The following DYNAP variants were observed in gnomAD, a reference collection of about 807,000 sequenced individuals.
DYNAP encodes the protein dynactin associated protein, also known as dynactin-associated protein.
DYNAP carries 7 observed loss-of-function variants against 8.5 expected under a neutral mutation model. The ratio of observed to expected loss-of-function variants is 0.82; its 90% CI spans 0.47 to 1.54. The LOEUF (loss-of-function observed/expected upper bound fraction) is 1.54. DYNAP is among the 40% of genes most tolerant of loss of function. DYNAP has a pLI of 0.01. For missense variants in DYNAP, 256 were observed against 224.3 expected (o/e 1.14, Z -0.90); for synonymous variants, 77 against 77.9 (o/e 0.99, Z 0.06).
chr18:54,592,898 C>T (rs1911136983), intron 1 of DYNAP, among the ~76,000 whole-genome samples: 1 of 152,094 alleles, frequency 6.6e-6, no homozygotes, highest in African/African-American at 2.4e-5. Context: ...GGGAAACTGC[C>T]CCACTGAGTG....
At chr18:54,577,598 GT>G in the DYNAP span, among the ~76,000 whole-genome samples, 2 of 65,818 alleles carry the variant, frequency 3.0e-5, no homozygotes, top group Admixed American at 3.3e-4. Context: ...GTAAAATCTT[GT>G]TTCAAAAAAA....
the DYNAP span, among the ~76,000 whole-genome samples, chr18:54,577,614 A>C: frequency 1.3e-5 from 2 of 151,450 alleles, no homozygotes; most frequent in Non-Finnish European, 2.9e-5. Flanking sequence ...AAAAAAAAAA[A>C]AAAAAAACAC....
chr18:54,579,916 C>G, the DYNAP span, among the ~76,000 whole-genome samples: 3 of 152,164 alleles, frequency 2.0e-5, no homozygotes, highest in Non-Finnish European at 2.9e-5. Context: ...AAAAACAGTA[C>G]TATACAGCAC....
chr18:54,582,210 C>A, the DYNAP span, among the ~76,000 whole-genome samples: 71,311 of 151,674 alleles, frequency 0.47, 17,854 homozygotes, highest in East Asian at 0.68. Flanking sequence ...GGTGTGAACC[C>A]GGGAGGTGGA....
upstream of DYNAP, among the ~76,000 whole-genome samples, chr18:54,584,175 TAAC>T (rs1910802690): frequency 1.3e-5 from 2 of 151,354 alleles, no homozygotes; most frequent in African/African-American, 4.8e-5. Context: ...ATGGTAAAGT[TAAC>T]AAAATACACA....
the DYNAP span, among the ~76,000 whole-genome samples, chr18:54,576,898 G>A: frequency 6.6e-6 from 1 of 152,062 alleles, no homozygotes; most frequent in Non-Finnish European, 1.5e-5. Flanking sequence ...TCCTCTATTT[G>A]CATAGTGTTA....
In DYNAP at chr18:54,598,263, T is replaced by C; in HGVS notation, c.*118T>C. 1 of 1,062,424 alleles carries C rather than the reference T, an allele frequency of 9.4e-7. No individual in the cohort carries two copies. The highest frequency in any genetic ancestry group is 1.3e-6 in the Non-Finnish European group (1 of 745,042). 65.8% of individuals were successfully genotyped at this position (1,062,424 alleles called of 1,614,324 possible). A position where few individuals can be genotyped will look rare whatever the true frequency, so the allele number is the denominator to read the frequency against. ...AGTGGAATCATGGCTGCAGTCACTTTAACAGACTCTATAACCGTTACAACT... is the reference window on the plus strand; with the variant it reads ...AGTGGAATCATGGCTGCAGTCACTTCAACAGACTCTATAACCGTTACAACT... On this transcript the variant is annotated 3_prime_UTR_variant, in exon 3 of 3. Transcript: ENST00000648945.
rs756138614 is a variant in DYNAP at position 54,597,988 on chromosome 18, C to T, written c.398C>T (p.Thr133Ile). The T allele has an allele frequency of 7.4e-6, 12 of 1,613,434 alleles. No individual in the cohort carries two copies. In the Admixed American group the frequency reaches 8.4e-5, roughly 11 times the overall value. Residue 133 changes from threonine (T) to isoleucine (I), a missense_variant, in exon 3 of 3, where the codon ACT becomes ATT. Thr to Ile is a moderately conservative substitution (Grantham distance 89, BLOSUM62 -1). Coordinates refer to ENST00000648945, the MANE Select transcript of DYNAP (RefSeq NM_173629.3). ...TCCACAAATGATGGAGAGTGTGTGA[C>T]TGTCAAACCTGGAACACCCTCTCCT... is the stretch of plus-strand genomic sequence containing the variant. ...QLSTNDGECV[T>I]VKPGTPSPAC...
chr18:54,576,215 A>G, the DYNAP span, among the ~76,000 whole-genome samples: 5 of 152,270 alleles, frequency 3.3e-5, no homozygotes, highest in East Asian at 7.7e-4. Context: ...ATTTCTATGC[A>G]TGTCTGTTTT....
chr18:54,586,619 TC>T (rs1345129785), upstream of DYNAP, among the ~76,000 whole-genome samples: 1 of 151,974 alleles, frequency 6.6e-6, no homozygotes, highest in East Asian at 1.9e-4. Context: ...CTTTCCCTTT[TC>T]CCCCCATCCT....
intron 1 of DYNAP, among the ~76,000 whole-genome samples, chr18:54,592,620 G>A (rs961418430): frequency 1.3e-5 from 2 of 152,068 alleles, no homozygotes; most frequent in Non-Finnish European, 1.5e-5. Flanking sequence ...CTTTAGTTAA[G>A]TACAACCAAT....
At position 54,598,218 on chromosome 18, in the gene DYNAP, T is replaced by C. The variant is rs1911398387; in HGVS notation, c.*73T>C. Reference sequence around the variant, plus strand: ...ACTTCAACTCAGTTTGCAACTATAATAGCTACTCCTATCACTTCAAGTGGA... The same window carrying C: ...ACTTCAACTCAGTTTGCAACTATAACAGCTACTCCTATCACTTCAAGTGGA... On this transcript the variant is annotated 3_prime_UTR_variant, in exon 3 of 3. Coordinates refer to ENST00000648945, the MANE Select transcript of DYNAP (RefSeq NM_173629.3). The C allele has an allele frequency of 7.0e-7, 1 of 1,430,036 alleles. No individual in the cohort carries two copies. Among genetic ancestry groups the C allele is most frequent in the Non-Finnish European group, 9.6e-7 (1 of 1,045,826 alleles). The allele number at this position is 1,430,036 out of a possible 1,614,324, so 88.6% of individuals were successfully genotyped here. A position where few individuals can be genotyped will look rare whatever the true frequency, so the allele number is the denominator to read the frequency against.
chr18:54,594,892 A>AC (rs747419159), intron 1 of DYNAP, 47 bp from the exon 2 acceptor site: 1 of 1,564,598 alleles, frequency 6.4e-7, no homozygotes, highest in Non-Finnish European at 8.6e-7. Flanking sequence ...GCAACTCAAC[A>AC]CCATGGTTTC....
rs1421254484 is a variant in DYNAP at position 54,598,921 on chromosome 18, CA to C, written c.*778del. On this transcript the variant is annotated 3_prime_UTR_variant, in exon 3 of 3. Coordinates refer to ENST00000648945, the MANE Select transcript of DYNAP (RefSeq NM_173629.3). ...TCTGCACAATAAAACTTGATCTCCA[CA>C]ATCCTTTATCTTAACCTGAACATTC... 2.0e-5 allele frequency: 3 copies of C among 152,164 alleles called. No individual in the cohort carries two copies. Among genetic ancestry groups the C allele is most frequent in the Non-Finnish European group, 2.9e-5 (2 of 68,030 alleles). The allele number at this position is 152,164 out of a possible 1,614,324, so 9.4% of individuals were successfully genotyped here.
At chr18:54,581,369 A>C in the DYNAP span, among the ~76,000 whole-genome samples, 2 of 152,334 alleles carry the variant, frequency 1.3e-5, no homozygotes, top group African/African-American at 4.8e-5. Flanking sequence ...TAACATGAAC[A>C]CGCTTTGTTT....
rs1417311156 is a variant in DYNAP, at chr18:54,598,384, C to T, written c.*239C>T. 3 of 474,290 alleles carry T rather than the reference C, an allele frequency of 6.3e-6. No individual in the cohort carries two copies. In the Admixed American group the frequency reaches 1.1e-4, roughly 17 times the overall value. The allele number at this position is 474,290 out of a possible 1,614,324, so 29.4% of individuals were successfully genotyped here. ...CTTTGACTGAATCAACAACTACATTCCCTTCAACTGAATCTGCAACCACTT... is the reference window on the plus strand; with the variant it reads ...CTTTGACTGAATCAACAACTACATTTCCTTCAACTGAATCTGCAACCACTT... On this transcript the variant is annotated 3_prime_UTR_variant, in exon 3 of 3. Transcript: ENST00000648945.
chr18:54,575,653 G>C, the DYNAP span, among the ~76,000 whole-genome samples: 1 of 152,064 alleles, frequency 6.6e-6, no homozygotes, highest in Admixed American at 6.6e-5. Flanking sequence ...TGCCCAGGCT[G>C]ATCTCGAACT....
At chr18:54,597,110 T>C (rs973734695) in intron 2 of DYNAP, among the ~76,000 whole-genome samples, 1 of 152,146 alleles carries the variant, frequency 6.6e-6, no homozygotes, top group Non-Finnish European at 1.5e-5. Context: ...TTCTAAATTC[T>C]AAATTCTATA....
At chr18:54,581,363 A>G in the DYNAP span, among the ~76,000 whole-genome samples, 1 of 152,256 alleles carries the variant, frequency 6.6e-6, no homozygotes, top group Non-Finnish European at 1.5e-5. Flanking sequence ...AATAATTAAC[A>G]TGAACACGCT....
Sources: allele counts gnomAD v4.1 joint callset (sites outside exome capture counted in the v4.1 genomes callset), GRCh38; gene constraint gnomAD v4.1.1; transcripts MANE v1.5; gene names NCBI Gene and HGNC (gene_info 2026-07-23, HGNC 2026-07-21).